Variants in GPHN observed in about 807,000 individuals in gnomAD.
GPHN encodes gephyrin.
A neutral mutation model predicts 95.5 loss-of-function variants in GPHN; 17 were observed. That is an observed-to-expected ratio of 0.18 (90% CI 0.12 to 0.27). The LOEUF is 0.27. Among genes scored for constraint, GPHN ranks in the 10% least tolerant of loss-of-function variants. GPHN has a pLI of 1.00. For missense variants in GPHN, 660 were observed against 978.1 expected, an observed-to-expected ratio of 0.67 and a Z score of 4.34; for synonymous variants, 320 against 322.5, an observed-to-expected ratio of 0.99 and a Z score of 0.08.
chr14:66,742,450 G>C (rs2072871505), intron 2 of GPHN, among the ~76,000 whole-genome samples: 1 of 151,888 alleles, frequency 6.6e-6, no homozygotes, highest in African/African-American at 2.4e-5. Context: ...GTCCTGTTTG[G>C]GCAGGATTGC....
the GPHN span, chr14:67,674,595 C>G: frequency 2.3e-6 from 2 of 884,600 alleles, no homozygotes; most frequent in Non-Finnish European, 3.2e-6. Context: ...GCGACCGCCG[C>G]ACCACCGCCG....
the GPHN span, chr14:67,323,583 T>C: frequency 3.7e-6 from 1 of 272,104 alleles, no homozygotes; most frequent in Non-Finnish European, 6.7e-6. Flanking sequence ...CACTGCACTC[T>C]AGCCTAGGCA....
chr14:66,511,517 T>C (rs2058040151), intron 1 of GPHN, among the ~76,000 whole-genome samples: 1 of 152,106 alleles, frequency 6.6e-6, no homozygotes, highest in South Asian at 2.1e-4. Flanking sequence ...TACTTAGTAT[T>C]TTGTGAAGTC....
At chr14:67,326,507 C>T in the GPHN span, among the ~76,000 whole-genome samples, 1 of 152,054 alleles carries the variant, frequency 6.6e-6, no homozygotes, top group Middle Eastern at 3.2e-3. Flanking sequence ...ACAATACATG[C>T]ATTTTAGTTG....
At chr14:66,951,828 A>T (rs1461232012) in intron 8 of GPHN, among the ~76,000 whole-genome samples, 1 of 152,198 alleles carries the variant, frequency 6.6e-6, no homozygotes, top group African/African-American at 2.4e-5. Flanking sequence ...TTTTTTCAAT[A>T]AATGATGCTG....
At chr14:67,282,997 A>C in the GPHN span, among the ~76,000 whole-genome samples, 2 of 152,246 alleles carry the variant, frequency 1.3e-5, no homozygotes, top group Admixed American at 1.3e-4. Context: ...ACTGCCATCT[A>C]TCATATATGT....
chr14:67,188,176 CT>C, the GPHN span, among the ~76,000 whole-genome samples: 1 of 152,162 alleles, frequency 6.6e-6, no homozygotes, highest in Non-Finnish European at 1.5e-5. Context: ...ACAAAGAGGG[CT>C]AATTGCTCAC....
chr14:67,619,852 G>A, the GPHN span: 6 of 639,710 alleles, frequency 9.4e-6, no homozygotes, highest in East Asian at 2.0e-4. Context: ...GGCCAATGTG[G>A]CGGTGACGTC....
intron 6 of GPHN, among the ~76,000 whole-genome samples, chr14:66,917,221 A>T (rs928259072): frequency 3.9e-5 from 6 of 152,298 alleles, no homozygotes; most frequent in Middle Eastern, 3.4e-3. Flanking sequence ...ACTTAGCCAT[A>T]ACCTAAAAAA....
chr14:67,387,472 G>A, the GPHN span: 1 of 1,594,262 alleles, frequency 6.3e-7, no homozygotes, highest in Admixed American at 1.8e-5. Context: ...CAGAAAAAAG[G>A]GGGAAAAAAA....
intron 12 of GPHN, among the ~76,000 whole-genome samples, chr14:67,094,468 A>T (rs1014057342): frequency 6.6e-6 from 1 of 152,194 alleles, no homozygotes; most frequent in African/African-American, 2.4e-5. Context: ...ATTAGCAGAT[A>T]TGTCAGAATT....
chr14:66,823,655 A>G (rs2061288098), intron 3 of GPHN, among the ~76,000 whole-genome samples: 1 of 152,178 alleles, frequency 6.6e-6, no homozygotes, highest in African/African-American at 2.4e-5. Context: ...CTGAAAAAAA[A>G]GGGAAAAAAT....
At chr14:66,867,240 A>C (rs2063259918) in intron 4 of GPHN, among the ~76,000 whole-genome samples, 1 of 152,184 alleles carries the variant, frequency 6.6e-6, no homozygotes, top group Non-Finnish European at 1.5e-5. Flanking sequence ...CTTGATTTCC[A>C]GATTGCATCT....
intron 8 of GPHN, among the ~76,000 whole-genome samples, chr14:66,932,866 C>T (rs1043027164): frequency 4.6e-5 from 7 of 152,056 alleles, no homozygotes; most frequent in African/African-American, 1.7e-4. Flanking sequence ...TTGAGTGACC[C>T]ATTTTTCAGT....
intron 8 of GPHN, among the ~76,000 whole-genome samples, chr14:66,949,218 G>A (rs181772069): frequency 6.6e-6 from 1 of 152,164 alleles, no homozygotes; most frequent in Admixed American, 6.6e-5. Context: ...CCAAGTAGTT[G>A]GGATTACAGG....
chr14:66,829,495 G>C (rs1187865926), intron 4 of GPHN, among the ~76,000 whole-genome samples: 1 of 152,004 alleles, frequency 6.6e-6, no homozygotes, highest in Non-Finnish European at 1.5e-5. Flanking sequence ...TCTATACAAA[G>C]TATTTTCCCT....
At chr14:66,680,926 T>C (rs1047818355) in intron 1 of GPHN, among the ~76,000 whole-genome samples, 181 bp from the exon 2 acceptor site, 1 of 152,070 alleles carries the variant, frequency 6.6e-6, no homozygotes, top group Non-Finnish European at 1.5e-5. Flanking sequence ...TGTTGGCTTG[T>C]TTAGAATATT....
At chr14:67,487,185 G>A in the GPHN span, 2 of 152,212 alleles carry the variant, frequency 1.3e-5, no homozygotes, top group South Asian at 2.1e-4. Flanking sequence ...GGGAATAAAA[G>A]AGGAGGCTTT....
At chr14:67,171,714 TGAA>T (rs2140094109) in intron 21 of GPHN, among the ~76,000 whole-genome samples, 1 of 151,012 alleles carries the variant, frequency 6.6e-6, no homozygotes, top group South Asian at 2.1e-4. Context: ...GAAAAAAAAC[TGAA>T]GAAGAGCAGC....
Sources: gnomAD v4.1 joint callset for allele counts (sites outside exome capture counted in the v4.1 genomes callset) on GRCh38, gnomAD v4.1.1 for gene constraint, MANE v1.5 for transcripts, NCBI Gene and HGNC (gene_info 2026-07-23, HGNC 2026-07-21) for gene names.